Variants in SLC2A14 observed in about 807,000 individuals in gnomAD.
SLC2A14 encodes the protein solute carrier family 2 member 14, also known as solute carrier family 2, facilitated glucose transporter member 14.
In SLC2A14, 13 loss-of-function variants were observed where a neutral mutation model predicts 43.0. The ratio of observed to expected loss-of-function variants is 0.30; its 90% CI spans 0.20 to 0.48. The LOEUF (loss-of-function observed/expected upper bound fraction) is 0.48. SLC2A14 is among the 20% of genes least tolerant of loss of function. The pLI, the probability that SLC2A14 is intolerant of heterozygous loss-of-function variation, is 0.99. For synonymous variants in SLC2A14, 190 were observed against 233.8 expected (o/e 0.81, Z 1.71); for missense variants, 428 against 620.4 (o/e 0.69, Z 3.29).
chr12:7,875,626 T>A (rs866985727), upstream of SLC2A14, among the ~76,000 whole-genome samples: 13 of 152,254 alleles, frequency 8.5e-5, no homozygotes, highest in Middle Eastern at 6.8e-3. Context: ...GCCTTTGGAA[T>A]GTGATTAGGT....
intron 2 of SLC2A14, among the ~76,000 whole-genome samples, chr12:7,837,190 TTAAC>T (rs1314042037): frequency 6.6e-6 from 1 of 151,968 alleles, no homozygotes; most frequent in Admixed American, 6.6e-5. Flanking sequence ...AGTTAACGTG[TTAAC>T]TAACTTGTGG....
chr12:7,875,159 T>TATATATAAATATTATATTTAAAATTAA (rs1484410433), upstream of SLC2A14, among the ~76,000 whole-genome samples: 41 of 136,730 alleles, frequency 3.0e-4, 1 homozygote, highest in South Asian at 3.7e-3. Flanking sequence ...TAAAATTAAA[T>TATATATAAATATTATATTTAAAATTAA]ATATATATTT....
rs770641284 is a variant in SLC2A14 at position 7,829,904 on chromosome 12, G to A, written c.375C>T (p.Arg125=). The A allele has an allele frequency of 2.9e-5, 47 of 1,614,192 alleles. No homozygotes were observed. In the South Asian group the frequency reaches 4.9e-4, roughly 17 times the overall value. ...AESVEMLILG[R]LVIGLFCGLC... ...GTCCGCAGAAGAGGCCAATAACCAA[G>A]CGGCCCAGGATCAGCATTTCAACTG... The change falls in exon 5 of 11, where the codon CGC becomes CGT. Residue 125 remains arginine (R), a synonymous_variant. Coordinates refer to ENST00000431042, the MANE Select transcript of SLC2A14 (RefSeq NM_001286234.2).
intron 7 of SLC2A14, among the ~76,000 whole-genome samples, chr12:7,826,861 T>TCTTTC (rs1555121667): frequency 1.7e-5 from 1 of 60,324 alleles, no homozygotes; most frequent in Admixed American, 1.8e-4. Context: ...TTCCTTTCTT[T>TCTTTC]TTTCTTTCTT....
chr12:7,883,590 CTT>C lies in SLC2A14; in HGVS notation c.132+7404_132+7405del, dbSNP rs1204450230. Among the ~76,000 whole-genome samples, 8 of 95,202 alleles carry C rather than the reference CTT, an allele frequency of 8.4e-5. No homozygotes were observed. In the South Asian group the frequency reaches 2.0e-3, roughly 24 times the overall value. The allele number at this position is 95,202 out of a possible 152,430, so 62.5% of individuals were successfully genotyped here. ...CTCTTTTTCTTTTTCTTTTTCTTTT[CTT>C]TTTTTTTTTTTTTTTTTTTTTGAGA... On this transcript the variant is annotated intron_variant, in intron 1 of 9. Transcript: ENST00000539924.
At chr12:7,830,755 A>G (rs893207924) in intron 4 of SLC2A14, among the ~76,000 whole-genome samples, 3 of 152,230 alleles carry the variant, frequency 2.0e-5, no homozygotes, top group African/African-American at 7.2e-5. Context: ...AAATTAAAAC[A>G]GTTCCTTTGT....
At chr12:7,889,956 T>C (rs1344084655) in intron 1 of SLC2A14, among the ~76,000 whole-genome samples, 1 of 152,120 alleles carries the variant, frequency 6.6e-6, no homozygotes, top group African/African-American at 2.4e-5. Context: ...TAAACTGTCA[T>C]GGCGCTGATG....
intron 1 of SLC2A14, among the ~76,000 whole-genome samples, chr12:7,883,263 C>CTTTTTTT (rs372464881): frequency 9.2e-6 from 1 of 108,404 alleles, no homozygotes; most frequent in African/African-American, 3.5e-5. Context: ...TTCTTTCTTT[C>CTTTTTTT]TTTTTTTTTT....
intron 1 of SLC2A14, among the ~76,000 whole-genome samples, chr12:7,887,649 CCTGGCCAAAGGGTAGGTTCA>C (rs1405243489): frequency 1.3e-5 from 2 of 151,928 alleles, no homozygotes; most frequent in Non-Finnish European, 2.9e-5. Flanking sequence ...ACCTGTGTTG[CCTGGCCAAAGGGTAGGTTCA>C]CATTTGGCAT....
chr12:7,843,671 T>C (rs767367577), intron 2 of SLC2A14, among the ~76,000 whole-genome samples: 99 of 142,638 alleles, frequency 6.9e-4, no homozygotes, highest in African/African-American at 2.6e-3. Flanking sequence ...GCCACCAGAT[T>C]TGTTGCAACG....
At position 7,826,858 on chromosome 12, in the gene SLC2A14, C is replaced by CCTTCCTTCCTTTCTTTCTT. The variant is rs1565507403; in HGVS notation, c.864+636_864+637insAAGAAAGAAAGGAAGGAAG. 1.9e-4 allele frequency among the ~76,000 whole-genome samples: 8 copies of CCTTCCTTCCTTTCTTTCTT among 43,192 alleles called. 1 individual carries two copies. The highest frequency in any genetic ancestry group is 5.3e-4 in the African/African-American group (5 of 9,402). The allele number at this position is 43,192 out of a possible 152,430, so 28.3% of individuals were successfully genotyped here. A position where few individuals can be genotyped will look rare whatever the true frequency, so the allele number is the denominator to read the frequency against. On this transcript the variant is annotated intron_variant, in intron 7 of 10. Transcript: ENST00000431042. Reference sequence around the variant, plus strand: ...CTTTCCTTCCTTCCTTCCTTCCTTTCTTTTTTCTTTCTTTCTTTCTTTCTT... The same window carrying CCTTCCTTCCTTTCTTTCTT: ...CTTTCCTTCCTTCCTTCCTTCCTTTCCTTCCTTCCTTTCTTTCTTTTTTTTCTTTCTTTCTTTCTTTCTT...
At chr12:7,840,961 G>A (rs1002152300) in intron 2 of SLC2A14, among the ~76,000 whole-genome samples, 1 of 147,910 alleles carries the variant, frequency 6.8e-6, no homozygotes, top group African/African-American at 2.6e-5. Context: ...CTAAGTCGGC[G>A]ATGATGCTAG....
chr12:7,859,429 G>A (rs771185904), intron 2 of SLC2A14, among the ~76,000 whole-genome samples: 1 of 152,052 alleles, frequency 6.6e-6, no homozygotes, highest in Non-Finnish European at 1.5e-5. Context: ...ATTTTGGAAA[G>A]GAAGTGATAG....
chr12:7,826,855 T>TTCCTTTC (rs1447800640), intron 7 of SLC2A14, among the ~76,000 whole-genome samples: 1 of 37,048 alleles, frequency 2.7e-5, no homozygotes, highest in African/African-American at 1.2e-4. Flanking sequence ...CCTTCCTTCC[T>TTCCTTTC]TTCTTTTTTC....
At chr12:7,827,364 C>T (rs1368009791) in intron 7 of SLC2A14, 131 bp downstream of exon 7, 2 of 1,381,134 alleles carry the variant, frequency 1.4e-6, no homozygotes, top group Non-Finnish European at 9.7e-7. Context: ...CAACCTTCGC[C>T]TCCCGGGTTC....
intron 2 of SLC2A14, among the ~76,000 whole-genome samples, chr12:7,865,399 T>C (rs977539890): frequency 6.6e-5 from 10 of 151,836 alleles, no homozygotes; most frequent in Non-Finnish European, 1.3e-4. Flanking sequence ...TCGCCGGGCG[T>C]GGTGGCACAT....
chr12:7,863,067 T>C (rs1340246277), intron 2 of SLC2A14, among the ~76,000 whole-genome samples: 1 of 152,144 alleles, frequency 6.6e-6, no homozygotes, highest in Non-Finnish European at 1.5e-5. Context: ...GTTGTTTCAC[T>C]CTTTGCAATA....
chr12:7,850,518 C>T (rs1467287649), intron 2 of SLC2A14, among the ~76,000 whole-genome samples: 1 of 152,094 alleles, frequency 6.6e-6, no homozygotes, highest in African/African-American at 2.4e-5. Flanking sequence ...GCCTCAGCCT[C>T]CCAAGTAGCT....
upstream of SLC2A14, among the ~76,000 whole-genome samples, chr12:7,874,555 C>T (rs1945377639): frequency 6.6e-6 from 1 of 151,296 alleles, no homozygotes; most frequent in Non-Finnish European, 1.5e-5. Flanking sequence ...GCCTGTAATC[C>T]CAGCTACTCC....
Sources: allele counts gnomAD v4.1 joint callset (sites outside exome capture counted in the v4.1 genomes callset), GRCh38; gene constraint gnomAD v4.1.1; transcripts MANE v1.5; gene names NCBI Gene and HGNC (gene_info 2026-07-23, HGNC 2026-07-21).